OBI1: variants seen among roughly 807,000 people sequenced by gnomAD.
OBI1 encodes the protein ring finger protein 219.
Under a neutral mutation model 62.4 loss-of-function variants are expected in OBI1, and 59 were observed. The ratio of observed to expected loss-of-function variants is 0.95; its 90% CI spans 0.77 to 1.17. OBI1 has a LOEUF of 1.17. Among genes scored for constraint, OBI1 ranks in the 50% most tolerant of loss-of-function variants. The pLI, the probability that OBI1 is intolerant of heterozygous loss-of-function variation, is 0.00. For missense variants in OBI1, 875 were observed against 830.9 expected (o/e 1.05, Z -0.65); for synonymous variants, 302 against 292.8 (o/e 1.03, Z -0.32).
chr13:78,622,179 C>A (rs1343362834), intron 5 of OBI1, among the ~76,000 whole-genome samples: 1 of 152,138 alleles, frequency 6.6e-6, no homozygotes, highest in Non-Finnish European at 1.5e-5. Context: ...GTCCATGGCT[C>A]ATGCCTGTAA....
intron 5 of OBI1, among the ~76,000 whole-genome samples, chr13:78,632,884 G>C (rs562504657): frequency 5.9e-5 from 9 of 152,320 alleles, no homozygotes; most frequent in African/African-American, 2.2e-4. Flanking sequence ...ACCAATGGAA[G>C]TTAAAGATGG....
rs764799627 is a variant in OBI1, at chr13:78,616,145, G to C, written c.1616C>G (p.Ser539Cys). The change falls in exon 6 of 6, where the codon TCT (serine) becomes TGT (cysteine). Residue 539 changes from serine (S) to cysteine (C), a missense_variant. By Grantham distance (112) the Ser-to-Cys change is moderately radical (BLOSUM62 -1). Coordinates refer to ENST00000282003, the MANE Select transcript of OBI1 (RefSeq NM_024546.4). ...SMDAAYLDKI[S>C]ELDSMMSESD... ...CTCTGACATCATTGAATCCAACTCA[G>C]AGATTTTGTCAAGGTAAGCAGCATC... 15 of 1,614,038 alleles carry C rather than the reference G, an allele frequency of 9.3e-6. No individual in the cohort carries two copies. Among genetic ancestry groups the C allele is most frequent in the Non-Finnish European group, 5.1e-6 (6 of 1,180,034 alleles).
chr13:78,645,709 G>C (rs1195644948), intron 1 of OBI1, among the ~76,000 whole-genome samples: 3 of 151,990 alleles, frequency 2.0e-5, no homozygotes, highest in Non-Finnish European at 4.4e-5. Flanking sequence ...GGAGTACAGT[G>C]GCACCATCTA....
chr13:78,635,161 AC>A lies in OBI1; in HGVS notation c.586del (p.Val196Ter). 1 of 1,610,378 alleles carries A rather than the reference AC, an allele frequency of 6.2e-7. No individual in the cohort carries two copies. ...AGCCTTCAGTCGTAAATTCTCCCTC[AC>A]CAGACCACCATTTTCCAATTTCAAT... is the stretch of plus-strand genomic sequence containing the variant. ...KKLKLENGGL[V>X]RENLRLKAEV... On this transcript the variant is annotated frameshift_variant, in exon 5 of 6. Coordinates refer to ENST00000282003, the MANE Select transcript of OBI1 (RefSeq NM_024546.4). LOFTEE classifies it high-confidence loss of function.
At chr13:78,639,929 A>T (rs1876158916) in intron 3 of OBI1, among the ~76,000 whole-genome samples, 1 of 150,652 alleles carries the variant, frequency 6.6e-6, no homozygotes, top group African/African-American at 2.5e-5. Context: ...CCAGCATGGC[A>T]CATGTATACA....
intron 5 of OBI1, among the ~76,000 whole-genome samples, chr13:78,626,091 T>C (rs867845321): frequency 6.6e-6 from 1 of 152,310 alleles, no homozygotes; most frequent in Middle Eastern, 3.4e-3. Flanking sequence ...AGTAAATAGA[T>C]GCGGACAAGA....
At position 78,614,778 on chromosome 13, in the gene OBI1, A is replaced by C. The variant is rs1875191158; in HGVS notation, c.*802T>G. On this transcript the variant is annotated 3_prime_UTR_variant, in exon 6 of 6. Coordinates refer to ENST00000282003, the MANE Select transcript of OBI1 (RefSeq NM_024546.4). ...GATGTTTTAGGTTCCTCTAAACCCA[A>C]GTGCTCCATGCCTTCTTTCCATAGT... 6.6e-6 allele frequency: 1 copy of C among 152,210 alleles called. No homozygotes were observed. Among genetic ancestry groups the C allele is most frequent in the African/African-American group, 2.4e-5 (1 of 41,466 alleles). The allele number at this position is 152,210 out of a possible 1,614,324, so 9.4% of individuals were successfully genotyped here. A position where few individuals can be genotyped will look rare whatever the true frequency, so the allele number is the denominator to read the frequency against.
At chr13:78,637,037 C>A (rs1160582957) in intron 4 of OBI1, among the ~76,000 whole-genome samples, 2 of 152,206 alleles carry the variant, frequency 1.3e-5, no homozygotes, top group African/African-American at 4.8e-5. Flanking sequence ...GTTCTGCCTA[C>A]CTTTTGCACC....
At chr13:78,638,751 A>G in intron 4 of OBI1, 72 bp downstream of exon 4, 1 of 1,320,364 alleles carries the variant, frequency 7.6e-7, no homozygotes, top group Admixed American at 2.1e-5. Context: ...TCAAGATAAT[A>G]TGGCTATTTA....
intron 1 of OBI1, among the ~76,000 whole-genome samples, chr13:78,646,757 G>A (rs1165745094): frequency 6.6e-6 from 1 of 151,994 alleles, no homozygotes; most frequent in Non-Finnish European, 1.5e-5. Flanking sequence ...TTTAAAAGGG[G>A]CCCCCACCTC....
At chr13:78,620,513 T>C (rs1875473445) in intron 5 of OBI1, 1 of 421,028 alleles carries the variant, frequency 2.4e-6, no homozygotes, top group South Asian at 1.8e-5. Flanking sequence ...TGCAGAGCAG[T>C]TTGGGAGCTA....
intron 1 of OBI1, among the ~76,000 whole-genome samples, chr13:78,652,744 A>G (rs1236945642): frequency 1.3e-5 from 2 of 152,124 alleles, no homozygotes; most frequent in Non-Finnish European, 1.5e-5. Context: ...TCATGCTCCT[A>G]TGAAAATCTA....
intron 1 of OBI1, among the ~76,000 whole-genome samples, chr13:78,657,365 A>G (rs1876743127): frequency 6.6e-6 from 1 of 152,140 alleles, no homozygotes; most frequent in African/African-American, 2.4e-5. Flanking sequence ...CTGAAGACAA[A>G]TGGTAATAAT....
At position 78,615,647 on chromosome 13, in the gene OBI1, T is replaced by G; in HGVS notation, c.2114A>C (p.Gln705Pro). The change falls in exon 6 of 6, where the codon CAA becomes CCA. Residue 705 changes from glutamine (Q) to proline (P), a missense_variant. Physicochemically the swap from Gln to Pro is moderately conservative, Grantham distance 76 (BLOSUM62 -1). Coordinates refer to ENST00000282003, the MANE Select transcript of OBI1 (RefSeq NM_024546.4). ...VPEKRNKNVN[Q>P]STKRKIQSSL... ...GCTCTGGATTTTTCTTTTTGTTGATTGATTCACATTTTTATTCCTCTTTTC... is the reference window on the plus strand; with the variant it reads ...GCTCTGGATTTTTCTTTTTGTTGATGGATTCACATTTTTATTCCTCTTTTC... 1.9e-6 allele frequency: 3 copies of G among 1,613,804 alleles called. No homozygotes were observed. The highest frequency in any genetic ancestry group is 2.5e-6 in the Non-Finnish European group (3 of 1,179,918).
intron 1 of OBI1, among the ~76,000 whole-genome samples, chr13:78,657,861 T>G (rs1876757612): frequency 6.6e-6 from 1 of 152,164 alleles, no homozygotes; most frequent in Non-Finnish European, 1.5e-5. Flanking sequence ...GTGCAGGCAG[T>G]AAGTAATAGC....
At chr13:78,639,860 G>A (rs539928817) in intron 3 of OBI1, among the ~76,000 whole-genome samples, 1 of 116,552 alleles carries the variant, frequency 8.6e-6, no homozygotes, top group South Asian at 3.5e-4. Context: ...GGGGAGGGGG[G>A]AGGGATAGCA....
At chr13:78,650,772 T>G (rs1452412897) in intron 1 of OBI1, among the ~76,000 whole-genome samples, 2 of 151,370 alleles carry the variant, frequency 1.3e-5, no homozygotes, top group Non-Finnish European at 2.9e-5. Flanking sequence ...AATATTACTA[T>G]ATCCAAGTGC....
intron 1 of OBI1, among the ~76,000 whole-genome samples, chr13:78,652,706 C>G (rs531983460): frequency 2.4e-4 from 36 of 152,260 alleles, no homozygotes; most frequent in Non-Finnish European, 3.2e-4. Flanking sequence ...CAATCTAGAT[C>G]CCTTGCATGC....
chr13:78,644,073 T>C (rs746508466), intron 2 of OBI1, among the ~76,000 whole-genome samples: 2 of 152,170 alleles, frequency 1.3e-5, no homozygotes, highest in South Asian at 2.1e-4. Context: ...CCAATATTAA[T>C]GTGACATAGA....
Sources: gnomAD v4.1 joint callset for allele counts (sites outside exome capture counted in the v4.1 genomes callset) on GRCh38, gnomAD v4.1.1 for gene constraint, MANE v1.5 for transcripts, NCBI Gene and HGNC (gene_info 2026-07-23, HGNC 2026-07-21) for gene names.